The following NRP1 variants were observed in gnomAD, a reference collection of about 807,000 sequenced individuals.
NRP1 encodes neuropilin-1.
NRP1 carries 35 observed loss-of-function variants against 106.7 expected under a neutral mutation model. That is an observed-to-expected ratio of 0.33 (90% CI 0.25 to 0.43). The LOEUF is 0.43. Ranked by LOEUF, NRP1 falls within the 20% of genes least tolerant of loss-of-function variation. NRP1 has a pLI of 1.00. For synonymous variants in NRP1, 437 were observed against 417.9 expected, an observed-to-expected ratio of 1.05 and a Z score of -0.56; for missense variants, 1,024 against 1,170.4, an observed-to-expected ratio of 0.87 and a Z score of 1.83.
At chr10:33,294,617 C>CA (rs11403961) in intron 2 of NRP1, among the ~76,000 whole-genome samples, 16,000 of 111,942 alleles carry the variant, frequency 0.14, 1,146 homozygotes, top group Middle Eastern at 0.15. Flanking sequence ...AACTCCGTCT[C>CA]AAAAAAAAAA....
intron 10 of NRP1, among the ~76,000 whole-genome samples, chr10:33,204,480 A>T (rs1036643891): frequency 2.0e-5 from 3 of 152,212 alleles, no homozygotes; most frequent in Admixed American, 1.3e-4. Flanking sequence ...CTGGCAAGCC[A>T]GATAGTTGTC....
intron 2 of NRP1, 128 bp from the exon 3 acceptor site, chr10:33,270,984 A>G (rs1843273802): frequency 5.8e-6 from 4 of 687,438 alleles, no homozygotes; most frequent in Non-Finnish European, 9.3e-6. Context: ...TGCATTCATC[A>G]CTGCATTAAA....
intron 2 of NRP1, among the ~76,000 whole-genome samples, chr10:33,310,658 T>C (rs1361070030): frequency 1.3e-5 from 2 of 152,148 alleles, no homozygotes; most frequent in Non-Finnish European, 2.9e-5. Flanking sequence ...TCAAATTCTA[T>C]CACTGGTGGA....
At chr10:33,232,638 C>CTTTTTTTTTTTTT (rs71030049) in intron 6 of NRP1, among the ~76,000 whole-genome samples, 10 of 94,212 alleles carry the variant, frequency 1.1e-4, no homozygotes, top group Non-Finnish European at 1.6e-4. Context: ...TTTTCTTTTC[C>CTTTTTTTTTTTTT]TTTTTTTTTT....
chr10:33,330,610 A>G, intron 2 of NRP1, 98 bp downstream of exon 2: 1 of 998,126 alleles, frequency 1.0e-6, no homozygotes, highest in South Asian at 2.4e-5. Flanking sequence ...TCCTGGATCC[A>G]TTTATAATCT....
chr10:33,277,332 A>G (rs1453147456), intron 2 of NRP1, among the ~76,000 whole-genome samples: 1 of 152,162 alleles, frequency 6.6e-6, no homozygotes, highest in African/African-American at 2.4e-5. Flanking sequence ...CGGGGACCTC[A>G]TGACTACTGG....
Position 33,179,494 on chromosome 10 carries a change from A to G in NRP1, c.*582T>C, listed in dbSNP as rs1835546051. ...ACCGGAAAAACAGCAAGAAAACTGG[A>G]CAGTATTGCTTCGTAAACAGAGCTG... On this transcript the variant is annotated 3_prime_UTR_variant, in exon 17 of 17. Coordinates refer to ENST00000374867, the MANE Select transcript of NRP1 (RefSeq NM_003873.7). The G allele has an allele frequency of 6.5e-6, 1 of 153,058 alleles. No homozygotes were observed. The highest frequency in any genetic ancestry group is 2.4e-5 in the African/African-American group (1 of 41,466). The allele number at this position is 153,058 out of a possible 1,614,324, so 9.5% of individuals were successfully genotyped here. A position where few individuals can be genotyped will look rare whatever the true frequency, so the allele number is the denominator to read the frequency against.
chr10:33,242,163 G>T (rs12242704), intron 6 of NRP1, among the ~76,000 whole-genome samples: 11,467 of 152,168 alleles, frequency 0.075, 1,347 homozygotes, highest in African/African-American at 0.26. Flanking sequence ...AAGACACAGG[G>T]CTGTCCAGAT....
chr10:33,328,305 C>CACT lies in NRP1; in HGVS notation c.248+2402_248+2403insAGT, dbSNP rs140588571. Among the ~76,000 whole-genome samples the CACT allele has an allele frequency of 3.9e-5, 6 of 152,040 alleles. 1 individual carries two copies. Among genetic ancestry groups the CACT allele is most frequent in the African/African-American group, 1.4e-4 (6 of 41,482 alleles). On this transcript the variant is annotated intron_variant, in intron 2 of 16. Transcript: ENST00000374867. Reference sequence around the variant, plus strand: ...TTAAGGTTTACTGTGAGCTAGACACCATTGTAATACTGTGAGATGCTGTTG... The same window carrying CACT: ...TTAAGGTTTACTGTGAGCTAGACACCACTATTGTAATACTGTGAGATGCTGTTG...
chr10:33,229,066 C>G (rs1474137338), intron 6 of NRP1, among the ~76,000 whole-genome samples: 2 of 152,204 alleles, frequency 1.3e-5, no homozygotes, highest in Admixed American at 1.3e-4. Context: ...AATAAAAGTA[C>G]AAAACATCAG....
chr10:33,182,659 G>A (rs1447841764), intron 16 of NRP1, 39 bp downstream of exon 16: 2 of 1,424,138 alleles, frequency 1.4e-6, no homozygotes, highest in East Asian at 4.5e-5. Flanking sequence ...GAAAGCCATA[G>A]TAAAATTTTT....
intron 2 of NRP1, among the ~76,000 whole-genome samples, chr10:33,323,380 G>A (rs1053173923): frequency 1.3e-5 from 2 of 152,114 alleles, no homozygotes; most frequent in African/African-American, 4.8e-5. Context: ...CACGTTATAA[G>A]GCAAAAGTTC....
In NRP1 at chr10:33,180,162, G is replaced by T; in HGVS notation, c.2686C>A (p.Leu896Met). 1 of 1,614,090 alleles carries T rather than the reference G, an allele frequency of 6.2e-7. No individual in the cohort carries two copies. Among genetic ancestry groups the T allele is most frequent in the Non-Finnish European group, 8.5e-7 (1 of 1,180,032 alleles). ...ACAAGTTCAAAGTTATAGTTCTCCAGGGCAGACAAGTTTCTTTCTGACATC... is the reference window on the plus strand; with the variant it reads ...ACAAGTTCAAAGTTATAGTTCTCCATGGCAGACAAGTTTCTTTCTGACATC... Reference protein sequence around the residue: ...NGMSERNLSALENYNFELVDG... With the variant: ...NGMSERNLSAMENYNFELVDG... The change falls in exon 17 of 17, where the codon CTG (leucine) becomes ATG (methionine). Residue 896 changes from leucine to methionine, a missense_variant. This residue lies in a region of NRP1 where 164 missense variants were observed against 161.4 expected (regional missense o/e 1.02). Coordinates refer to ENST00000374867, the MANE Select transcript of NRP1 (RefSeq NM_003873.7).
rs1409328350 is a variant in NRP1 at position 33,298,423 on chromosome 10, C to T, written c.249-27567G>A. 2.0e-5 allele frequency among the ~76,000 whole-genome samples: 3 copies of T among 152,172 alleles called. No homozygotes were observed. The East Asian group carries it at 5.8e-4, about 29-fold the overall frequency. On this transcript the variant is annotated intron_variant, in intron 2 of 16. Coordinates refer to ENST00000374867, the MANE Select transcript of NRP1 (RefSeq NM_003873.7). ...GAGAAACACCTCATGAATTTTCAGC[C>T]TGGAAGACGATGGGCCCATTTAATG...
chr10:33,291,168 T>C (rs1260310134), intron 2 of NRP1, among the ~76,000 whole-genome samples: 1 of 152,178 alleles, frequency 6.6e-6, no homozygotes, highest in African/African-American at 2.4e-5. Context: ...AACCAATCCA[T>C]AAAACTACCA....
intron 14 of NRP1, 140 bp from the exon 15 acceptor site, chr10:33,185,864 C>A: frequency 1.3e-6 from 1 of 741,406 alleles, no homozygotes; most frequent in Non-Finnish European, 2.3e-6. Context: ...CTCATCAATC[C>A]ACATTAGCTG....
chr10:33,207,818 A>G, intron 9 of NRP1, 102 bp from the exon 10 acceptor site: 1 of 1,289,526 alleles, frequency 7.8e-7, no homozygotes, highest in Non-Finnish European at 1.1e-6. Context: ...TAAGGCAGAG[A>G]AATTGGCTTC....
At chr10:33,310,148 A>G (rs1472743872) in intron 2 of NRP1, among the ~76,000 whole-genome samples, 1 of 149,066 alleles carries the variant, frequency 6.7e-6, no homozygotes, top group Non-Finnish European at 1.5e-5. Flanking sequence ...ACGGGGTTTC[A>G]CCGTGTTAAC....
chr10:33,310,864 GA>G (rs1846559214), intron 2 of NRP1, among the ~76,000 whole-genome samples: 1 of 152,184 alleles, frequency 6.6e-6, no homozygotes, highest in South Asian at 2.1e-4. Context: ...GGGATGTGGG[GA>G]AGAAAAGACG....
Sources: gnomAD v4.1 joint callset for allele counts (sites outside exome capture counted in the v4.1 genomes callset) on GRCh38, gnomAD v4.1.1 for gene constraint, gnomAD v4.1.1 regional missense constraint, MANE v1.5 for transcripts, NCBI Gene and HGNC (gene_info 2026-07-23, HGNC 2026-07-21) for gene names.